Variants in NCK2 observed in about 807,000 individuals in gnomAD.
NCK2 encodes cytoplasmic protein NCK2.
In NCK2, 16 loss-of-function variants were observed where a neutral mutation model predicts 33.9. The ratio of observed to expected loss-of-function variants is 0.47; its 90% confidence interval spans 0.32 to 0.72. The LOEUF is 0.72. Ranked by LOEUF, NCK2 falls within the 30% of genes least tolerant of loss-of-function variation. The pLI, the probability that NCK2 is intolerant of heterozygous loss-of-function variation, is 0.03. For synonymous variants in NCK2, 273 were observed against 239.9 expected, an observed-to-expected ratio of 1.14 and a Z score of -1.27; for missense variants, 418 against 537.3, an observed-to-expected ratio of 0.78 and a Z score of 2.19.
chr2:105,782,639 C>T (rs1056938127), intron 1 of NCK2, among the ~76,000 whole-genome samples: 1 of 152,144 alleles, frequency 6.6e-6, no homozygotes. Flanking sequence ...TAATTTAGCT[C>T]TCCTCATGCA....
chr2:105,840,735 C>G (rs1676610859), intron 2 of NCK2, among the ~76,000 whole-genome samples: 1 of 152,232 alleles, frequency 6.6e-6, no homozygotes, highest in South Asian at 2.1e-4. Context: ...CTCAGGGAAA[C>G]ACATTTACTG....
chr2:105,814,608 G>A (rs948416765), intron 1 of NCK2, among the ~76,000 whole-genome samples: 2 of 152,134 alleles, frequency 1.3e-5, no homozygotes, highest in African/African-American at 4.8e-5. Flanking sequence ...TCCTCTGTTC[G>A]CATGCAGAAG....
chr2:105,765,075 A>G lies in NCK2; in HGVS notation c.-201+19937A>G, dbSNP rs188878945. Among the ~76,000 whole-genome samples the G allele has an allele frequency of 4.6e-5, 7 of 151,612 alleles. No individual in the cohort carries two copies. In the East Asian group the frequency reaches 1.2e-3, roughly 25 times the overall value. On this transcript the variant is annotated intron_variant, in intron 1 of 4. Transcript: ENST00000233154. Reference sequence around the variant, plus strand: ...GAGAGGCATTGCAGAGTTACATGGTATGGACATCTTTATGGCTCTTGATGC... The same window carrying G: ...GAGAGGCATTGCAGAGTTACATGGTGTGGACATCTTTATGGCTCTTGATGC...
intron 1 of NCK2, among the ~76,000 whole-genome samples, chr2:105,751,872 G>A (rs902438670): frequency 7.2e-5 from 11 of 152,194 alleles, no homozygotes; most frequent in African/African-American, 2.7e-4. Context: ...GAAATACAAT[G>A]TGAACCACAA....
At chr2:105,842,669 C>T (rs563752382) in intron 2 of NCK2, among the ~76,000 whole-genome samples, 4 of 152,108 alleles carry the variant, frequency 2.6e-5, no homozygotes, top group African/African-American at 9.6e-5. Flanking sequence ...TTTTGTTGCC[C>T]CTAAGTCAAG....
At chr2:105,761,344 C>T (rs181018573) in intron 1 of NCK2, among the ~76,000 whole-genome samples, 12 of 152,164 alleles carry the variant, frequency 7.9e-5, no homozygotes, top group Admixed American at 7.9e-4. Flanking sequence ...GAGTGGCTCA[C>T]CTTTCTCTTG....
chr2:105,847,495 G>A (rs1194780741), intron 2 of NCK2, among the ~76,000 whole-genome samples: 1 of 152,142 alleles, frequency 6.6e-6, no homozygotes, highest in African/African-American at 2.4e-5. Context: ...CCTGTGTCCC[G>A]GTGGGCAGGT....
At position 105,881,739 on chromosome 2, in the gene NCK2, A is replaced by C; in HGVS notation, c.638A>C (p.Glu213Ala). The C allele has an allele frequency of 6.2e-7, 1 of 1,614,182 alleles. No homozygotes were observed. Among genetic ancestry groups the C allele is most frequent in the Non-Finnish European group, 8.5e-7 (1 of 1,180,014 alleles). Reference sequence around the variant, plus strand: ...CCCTTCAGCTCAGTCACCGAGGAGGAGCTCAACTTCGAGAAGGGGGAGACC... The same window carrying C: ...CCCTTCAGCTCAGTCACCGAGGAGGCGCTCAACTTCGAGAAGGGGGAGACC... ...LYPFSSVTEEELNFEKGETME... is the reference protein window; with the variant it reads ...LYPFSSVTEEALNFEKGETME... The change falls in exon 4 of 5, where the codon GAG (glutamate) becomes GCG (alanine). Residue 213 changes from glutamate to alanine, a missense_variant. Physicochemically the swap from Glu to Ala is moderately radical, Grantham distance 107. Transcript: ENST00000233154.
intron 1 of NCK2, among the ~76,000 whole-genome samples, chr2:105,754,444 G>C (rs1051611889): frequency 2.6e-5 from 4 of 152,188 alleles, no homozygotes; most frequent in Non-Finnish European, 5.9e-5. Context: ...AATATCTTAA[G>C]AATTTTGGTT....
intron 1 of NCK2, among the ~76,000 whole-genome samples, chr2:105,772,480 C>T (rs994228016): frequency 6.6e-6 from 1 of 152,072 alleles, no homozygotes; most frequent in Non-Finnish European, 1.5e-5. Context: ...GCTGATCTAG[C>T]CTCACAGATG....
At chr2:105,760,933 A>G (rs1267492825) in intron 1 of NCK2, among the ~76,000 whole-genome samples, 1 of 152,206 alleles carries the variant, frequency 6.6e-6, no homozygotes, top group African/African-American at 2.4e-5. Flanking sequence ...TCTTGGGCAC[A>G]TTCCCTGGTT....
chr2:105,866,076 A>G (rs1677740549), intron 3 of NCK2, among the ~76,000 whole-genome samples: 1 of 152,046 alleles, frequency 6.6e-6, no homozygotes, highest in Admixed American at 6.6e-5. Flanking sequence ...CGCCACACCC[A>G]GTTGATTTTG....
At chr2:105,855,386 GT>G in intron 3 of NCK2, 97 bp downstream of exon 3, 1 of 871,708 alleles carries the variant, frequency 1.1e-6, no homozygotes, top group Non-Finnish European at 1.7e-6. Context: ...AAAAAAGTCT[GT>G]TTTAAAAGTT....
chr2:105,878,024 C>T (rs1438701888), intron 3 of NCK2, among the ~76,000 whole-genome samples: 1 of 152,206 alleles, frequency 6.6e-6, no homozygotes, highest in East Asian at 1.9e-4. Context: ...CAACATTGCT[C>T]CCATGGAAGA....
chr2:105,795,782 G>C (rs1340573921), intron 1 of NCK2, among the ~76,000 whole-genome samples: 2 of 152,110 alleles, frequency 1.3e-5, no homozygotes, highest in Non-Finnish European at 2.9e-5. Flanking sequence ...GTTCAACCAG[G>C]TATTTGAGTC....
intron 1 of NCK2, among the ~76,000 whole-genome samples, chr2:105,786,570 T>C (rs917696405): frequency 6.6e-6 from 1 of 152,196 alleles, no homozygotes; most frequent in Non-Finnish European, 1.5e-5. Context: ...AAGGAGGTAA[T>C]GCCGGCCTCG....
At chr2:105,830,449 G>A (rs1332113825) in intron 2 of NCK2, among the ~76,000 whole-genome samples, 1 of 151,954 alleles carries the variant, frequency 6.6e-6, no homozygotes, top group African/African-American at 2.4e-5. Context: ...CTGTGTATAT[G>A]TACCACATTT....
intron 1 of NCK2, among the ~76,000 whole-genome samples, chr2:105,788,161 A>G (rs1169035081): frequency 6.6e-6 from 1 of 152,184 alleles, no homozygotes; most frequent in Non-Finnish European, 1.5e-5. Context: ...GGGAGGAAGG[A>G]GGCCAATTCT....
intron 1 of NCK2, among the ~76,000 whole-genome samples, chr2:105,783,779 C>T (rs749769741): frequency 1.3e-5 from 2 of 151,956 alleles, no homozygotes; most frequent in African/African-American, 4.8e-5. Flanking sequence ...TGTTCCTGAG[C>T]GACTTCAGTG....
Sources: gnomAD v4.1 joint callset for allele counts (sites outside exome capture counted in the v4.1 genomes callset) on GRCh38, gnomAD v4.1.1 for gene constraint, MANE v1.5 for transcripts, NCBI Gene and HGNC (gene_info 2026-07-23, HGNC 2026-07-21) for gene names.